XYLT1: variants seen among roughly 807,000 people sequenced by gnomAD.
The protein encoded by XYLT1 is beta-D-xylosyltransferase 1.
A neutral mutation model predicts 91.3 loss-of-function variants in XYLT1; 36 were observed. That is an observed-to-expected ratio of 0.39 (90% CI 0.30 to 0.52). The LOEUF (loss-of-function observed/expected upper bound fraction) is 0.52. Among genes scored for constraint, XYLT1 ranks in the 20% least tolerant of loss-of-function variants. The pLI is 0.68. For missense variants in XYLT1, 1,242 were observed against 1,284.5 expected (o/e 0.97, Z 0.51); for synonymous variants, 588 against 532.0 (o/e 1.11, Z -1.45).
chr16:17,105,656 A>C lies in XYLT1; in HGVS notation c.*3039T>G, dbSNP rs1966764354. On this transcript the variant is annotated 3_prime_UTR_variant, in exon 12 of 12. Coordinates refer to ENST00000261381, the MANE Select transcript of XYLT1 (RefSeq NM_022166.4). ...AAGAATGCTTCCTTCTCCACAAACCAATACCCCAAGGCCCACCTGTCAGCC... is the reference window on the plus strand; with the variant it reads ...AAGAATGCTTCCTTCTCCACAAACCCATACCCCAAGGCCCACCTGTCAGCC... 6.6e-6 allele frequency: 1 copy of C among 152,060 alleles called. No homozygotes were observed. The highest frequency in any genetic ancestry group is 2.1e-4 in the South Asian group (1 of 4,822). The allele number at this position is 152,060 out of a possible 1,614,324, so 9.4% of individuals were successfully genotyped here.
At chr16:17,248,190 G>A (rs945293656) in intron 3 of XYLT1, among the ~76,000 whole-genome samples, 1 of 152,210 alleles carries the variant, frequency 6.6e-6, no homozygotes, top group Non-Finnish European at 1.5e-5. Flanking sequence ...GTTTTATAAA[G>A]AGGAATCTCC....
chr16:17,192,819 T>C (rs1475600790), intron 5 of XYLT1: 1 of 149,610 alleles, frequency 6.7e-6, no homozygotes, highest in Non-Finnish European at 1.5e-5. Flanking sequence ...TTTTTTTTTT[T>C]TTTTTTTTTT....
At chr16:17,142,248 C>T (rs1280343825) in intron 6 of XYLT1, among the ~76,000 whole-genome samples, 4 of 152,092 alleles carry the variant, frequency 2.6e-5, no homozygotes, top group African/African-American at 9.7e-5. Context: ...TGGCGTAAAA[C>T]TCCTGGCCTC....
chr16:17,181,533 A>G (rs901027761), intron 5 of XYLT1, among the ~76,000 whole-genome samples: 1 of 152,144 alleles, frequency 6.6e-6, no homozygotes, highest in African/African-American at 2.4e-5. Flanking sequence ...GTGTTCCACT[A>G]TCTTTCATGT....
intron 2 of XYLT1, among the ~76,000 whole-genome samples, chr16:17,328,442 G>C (rs995228443): frequency 6.6e-6 from 1 of 150,894 alleles, no homozygotes; most frequent in African/African-American, 2.4e-5. Context: ...CCAGATACTC[G>C]GGAGGCTGAG....
At chr16:17,184,260 C>T (rs1379056498) in intron 5 of XYLT1, among the ~76,000 whole-genome samples, 5 of 133,766 alleles carry the variant, frequency 3.7e-5, no homozygotes, top group East Asian at 4.4e-4. Context: ...GGGTTGGAAA[C>T]GTCCCATCCA....
At chr16:17,358,416 C>T (rs1336038270) in intron 1 of XYLT1, among the ~76,000 whole-genome samples, 2 of 152,148 alleles carry the variant, frequency 1.3e-5, no homozygotes, top group African/African-American at 4.8e-5. Context: ...GGATTATAAG[C>T]ATGAGCCACC....
intron 10 of XYLT1, among the ~76,000 whole-genome samples, chr16:17,121,958 T>G (rs2030070706): frequency 6.7e-6 from 1 of 148,200 alleles, no homozygotes; most frequent in Admixed American, 6.6e-5. Flanking sequence ...TAGTATTCCA[T>G]GGGGTATATA....
At chr16:17,342,037 G>C (rs1287968347) in intron 2 of XYLT1, among the ~76,000 whole-genome samples, 1 of 152,190 alleles carries the variant, frequency 6.6e-6, no homozygotes, top group African/African-American at 2.4e-5. Flanking sequence ...GCAAGGCCAT[G>C]TCATTCCTCT....
At chr16:17,159,274 C>T (rs1009037550) in intron 5 of XYLT1, among the ~76,000 whole-genome samples, 1 of 152,140 alleles carries the variant, frequency 6.6e-6, no homozygotes. Flanking sequence ...TTTGCATTTG[C>T]TTGCCTGGGA....
At chr16:17,290,394 C>A (rs769004685) in intron 2 of XYLT1, among the ~76,000 whole-genome samples, 9 of 152,270 alleles carry the variant, frequency 5.9e-5, no homozygotes, top group Non-Finnish European at 1.0e-4. Flanking sequence ...GAACCACCAA[C>A]CTCAGTCCCG....
chr16:17,462,790 C>T (rs2036840437), intron 1 of XYLT1, among the ~76,000 whole-genome samples: 1 of 152,198 alleles, frequency 6.6e-6, no homozygotes, highest in African/African-American at 2.4e-5. Flanking sequence ...ATTCAAGACT[C>T]CTCTCTCTAG....
At chr16:17,343,345 C>G (rs1051574172) in intron 2 of XYLT1, among the ~76,000 whole-genome samples, 1 of 152,228 alleles carries the variant, frequency 6.6e-6, no homozygotes, top group African/African-American at 2.4e-5. Context: ...TCACGGCACC[C>G]AGTGCCTGCT....
chr16:17,365,657 A>T (rs984087441), intron 1 of XYLT1, among the ~76,000 whole-genome samples: 27 of 152,188 alleles, frequency 1.8e-4, no homozygotes, highest in African/African-American at 6.0e-4. Context: ...TCTTTCTGCT[A>T]TCCTACTTTC....
intron 7 of XYLT1, among the ~76,000 whole-genome samples, chr16:17,140,035 G>A (rs964545860): frequency 2.0e-5 from 3 of 152,124 alleles, no homozygotes; most frequent in Admixed American, 6.5e-5. Context: ...CAATAGAAAC[G>A]GAACCAGCTC....
chr16:17,389,141 G>A (rs2035784859), intron 1 of XYLT1, among the ~76,000 whole-genome samples: 1 of 152,218 alleles, frequency 6.6e-6, no homozygotes, highest in Non-Finnish European at 1.5e-5. Context: ...TCTTTTGCAG[G>A]AGCACAGGGC....
chr16:17,347,547 ATCT>A (rs747154766), intron 2 of XYLT1, among the ~76,000 whole-genome samples: 24 of 152,176 alleles, frequency 1.6e-4, no homozygotes, highest in Admixed American at 2.0e-4. Flanking sequence ...GACAGCTATG[ATCT>A]TCTCTCTAAA....
At chr16:17,459,318 G>A (rs1361650228) in intron 1 of XYLT1, among the ~76,000 whole-genome samples, 1 of 152,238 alleles carries the variant, frequency 6.6e-6, no homozygotes, top group East Asian at 1.9e-4. Context: ...GTTGCAGTGA[G>A]CTGAGATCAA....
At position 17,117,796 on chromosome 16, in the gene XYLT1, C is replaced by G. The variant is rs769146382; in HGVS notation, c.2407G>C (p.Ala803Pro). ...GGGGGCTTGTAGTGTGTGAATTCGG[C>G]AGTGGACTCAATGAGGATGTCGTAG... ...ATYDILIEST[A>P]EFTHYKPPLN... is the part of the protein sequence containing the mutation. Residue 803 changes from alanine to proline, a missense_variant, in exon 11 of 12, where the codon GCC becomes CCC. Ala to Pro is a conservative substitution (Grantham distance 27). Coordinates refer to ENST00000261381, the MANE Select transcript of XYLT1 (RefSeq NM_022166.4). The G allele has an allele frequency of 6.2e-7, 1 of 1,614,182 alleles. No homozygotes were observed. Among genetic ancestry groups the G allele is most frequent in the South Asian group, 1.1e-5 (1 of 91,078 alleles).
Sources: gnomAD v4.1 joint callset for allele counts (sites outside exome capture counted in the v4.1 genomes callset) on GRCh38, gnomAD v4.1.1 for gene constraint, MANE v1.5 for transcripts, NCBI Gene and HGNC (gene_info 2026-07-23, HGNC 2026-07-21) for gene names.